The following PRDM5 variants were observed in gnomAD, a reference collection of about 807,000 sequenced individuals.
PRDM5 encodes PR domain zinc finger protein 5.
PRDM5 carries 56 observed loss-of-function variants against 81.2 expected under a neutral mutation model. That is an observed-to-expected ratio of 0.69 (90% CI 0.56 to 0.86). The LOEUF is 0.86. Among genes scored for constraint, PRDM5 ranks in the 40% least tolerant of loss-of-function variants. The pLI, the probability that PRDM5 is intolerant of heterozygous loss-of-function variation, is 0.00. For synonymous variants in PRDM5, 267 were observed against 256.4 expected, an observed-to-expected ratio of 1.04 and a Z score of -0.39; for missense variants, 697 against 770.1, an observed-to-expected ratio of 0.91 and a Z score of 1.12.
chr4:120,844,822 A>G (rs1439767332), intron 3 of PRDM5, among the ~76,000 whole-genome samples: 4 of 152,270 alleles, frequency 2.6e-5, no homozygotes, highest in Non-Finnish European at 5.9e-5. Context: ...AAGCTAGGCC[A>G]CTTGGGCCAA....
At chr4:120,845,763 G>T (rs1044315783) in intron 3 of PRDM5, among the ~76,000 whole-genome samples, 1 of 152,208 alleles carries the variant, frequency 6.6e-6, no homozygotes, top group Non-Finnish European at 1.5e-5. Flanking sequence ...CTGTCACAGT[G>T]ATTCCTCTGG....
At chr4:120,907,023 C>T in intron 2 of PRDM5, among the ~76,000 whole-genome samples, 1 of 136,480 alleles carries the variant, frequency 7.3e-6, no homozygotes, top group East Asian at 2.5e-4. Context: ...AAAAAAAAAG[C>T]TGAACTTTTT....
At chr4:120,905,969 C>G (rs976941598) in intron 2 of PRDM5, among the ~76,000 whole-genome samples, 1 of 151,870 alleles carries the variant, frequency 6.6e-6, no homozygotes, top group Non-Finnish European at 1.5e-5. Context: ...GTATTTAGAT[C>G]TTTTTCAATT....
chr4:120,715,447 A>G lies in PRDM5; in HGVS notation c.1624-5034T>C, dbSNP rs1737608917. ...AGGAAAAATGTTCAATTTTCTTTGC[A>G]GTCCAAAAAATATAATGTGCTTTCC... On this transcript the variant is annotated intron_variant, in intron 14 of 15. Transcript: ENST00000264808. 2.0e-5 allele frequency among the ~76,000 whole-genome samples: 3 copies of G among 152,176 alleles called. No homozygotes were observed. In the South Asian group the frequency reaches 6.2e-4, roughly 31 times the overall value.
intron 2 of PRDM5, among the ~76,000 whole-genome samples, chr4:120,881,395 G>A (rs1016015500): frequency 6.6e-5 from 10 of 152,096 alleles, no homozygotes; most frequent in Non-Finnish European, 1.0e-4. Flanking sequence ...AAGTAAAATC[G>A]CTGGCAAATA....
Position 120,861,732 on chromosome 4 carries a change from A to C in PRDM5, c.178-8192T>G, listed in dbSNP as rs188403197. Among the ~76,000 whole-genome samples, 200 of 152,132 alleles carry C rather than the reference A, an allele frequency of 1.3e-3. 3 individuals are homozygous for C. Among genetic ancestry groups the C allele is most frequent in the African/African-American group, 4.7e-3 (194 of 41,504 alleles). ...AGAATCACTTGAACCAGGGAGGTGA[A>C]AGCTGCAGCGAGCCAAGATCGTGCC... is the stretch of plus-strand genomic sequence containing the variant. On this transcript the variant is annotated intron_variant, in intron 2 of 15. Coordinates refer to ENST00000264808, the MANE Select transcript of PRDM5 (RefSeq NM_018699.4).
chr4:120,842,946 A>G (rs1267870721), intron 3 of PRDM5, among the ~76,000 whole-genome samples: 1 of 152,222 alleles, frequency 6.6e-6, no homozygotes, highest in Non-Finnish European at 1.5e-5. Context: ...CCATAAGGCT[A>G]TAATTTCTAG....
chr4:120,696,852 A>T (rs544000638), intron 15 of PRDM5, among the ~76,000 whole-genome samples: 2 of 152,302 alleles, frequency 1.3e-5, no homozygotes, highest in South Asian at 4.1e-4. Context: ...GTGACTTTGC[A>T]AACAAATAAT....
chr4:120,689,322 A>T (rs1044986590), downstream of PRDM5, among the ~76,000 whole-genome samples: 5 of 152,198 alleles, frequency 3.3e-5, no homozygotes, highest in African/African-American at 1.2e-4. Context: ...GTTATACTGC[A>T]GCTGAAACAA....
At chr4:120,877,576 G>A (rs1013523241) in intron 2 of PRDM5, among the ~76,000 whole-genome samples, 10 of 152,130 alleles carry the variant, frequency 6.6e-5, no homozygotes, top group African/African-American at 1.9e-4. Context: ...AGGCTGAGGC[G>A]GGTGGATCAT....
rs182845673 is a variant in PRDM5, at chr4:120,686,780, A to G, written n.104-1755T>C. Among the ~76,000 whole-genome samples the G allele has an allele frequency of 3.9e-4, 59 of 152,108 alleles. 1 individual carries two copies. In the East Asian group the frequency reaches 9.6e-3, roughly 25 times the overall value. ...TTTACTTACTTTTCTGACTTAGCTA[A>G]ACTTGGTCTAATTGAACATTAGTTT... On this transcript the variant is annotated intron_variant and non_coding_transcript_variant, in intron 1 of 1. Transcript: ENST00000513741.
At chr4:120,918,384 C>T (rs1002694480) in intron 1 of PRDM5, among the ~76,000 whole-genome samples, 1 of 152,076 alleles carries the variant, frequency 6.6e-6, no homozygotes, top group Non-Finnish European at 1.5e-5. Flanking sequence ...GATTTTTAGC[C>T]CTAGGATACA....
intron 2 of PRDM5, among the ~76,000 whole-genome samples, chr4:120,881,962 C>A (rs1415433556): frequency 6.6e-6 from 1 of 152,178 alleles, no homozygotes; most frequent in Non-Finnish European, 1.5e-5. Flanking sequence ...ACCAAGCTGA[C>A]CAAATCTACA....
chr4:120,885,848 A>G (rs1763382388), intron 2 of PRDM5: 1 of 152,084 alleles, frequency 6.6e-6, no homozygotes, highest in Non-Finnish European at 1.5e-5. Context: ...CAGAACCACA[A>G]AGGGAATGGA....
chr4:120,719,488 C>T (rs966304861), intron 14 of PRDM5, among the ~76,000 whole-genome samples: 2 of 152,052 alleles, frequency 1.3e-5, no homozygotes, highest in East Asian at 1.9e-4. Context: ...CACTGGTCTG[C>T]GAGCCACACT....
At chr4:120,706,654 T>C (rs1009564933) in intron 15 of PRDM5, among the ~76,000 whole-genome samples, 3 of 150,768 alleles carry the variant, frequency 2.0e-5, no homozygotes, top group South Asian at 2.1e-4. Context: ...CGAATGACTG[T>C]GCCTAAGAGG....
chr4:120,833,663 C>T (rs1756983876), intron 3 of PRDM5, among the ~76,000 whole-genome samples: 1 of 152,092 alleles, frequency 6.6e-6, no homozygotes, highest in Non-Finnish European at 1.5e-5. Context: ...ATGATAAGTG[C>T]TTAGTTAAGA....
intron 13 of PRDM5, chr4:120,762,802 G>A (rs1227628135): frequency 6.6e-6 from 1 of 152,118 alleles, no homozygotes; most frequent in Non-Finnish European, 1.5e-5. Flanking sequence ...CTCTTGGAAT[G>A]TTCCCATTAA....
At chr4:120,871,678 C>A (rs1761809332) in intron 2 of PRDM5, among the ~76,000 whole-genome samples, 1 of 151,962 alleles carries the variant, frequency 6.6e-6, no homozygotes, top group African/African-American at 2.4e-5. Context: ...TGCATTTAAT[C>A]CATCACTCTA....
Sources: gnomAD v4.1 joint callset for allele counts (sites outside exome capture counted in the v4.1 genomes callset) on GRCh38, gnomAD v4.1.1 for gene constraint, MANE v1.5 for transcripts, NCBI Gene and HGNC (gene_info 2026-07-23, HGNC 2026-07-21) for gene names.